The following SGCD variants were observed in gnomAD, a reference collection of about 807,000 sequenced individuals.
The protein encoded by SGCD is delta-sarcoglycan.
SGCD carries 18 observed loss-of-function variants against 36.6 expected under a neutral mutation model. The observed-to-expected ratio is 0.49, with a 90% CI of 0.34 to 0.73. The LOEUF (loss-of-function observed/expected upper bound fraction) is 0.73, where lower values mean the gene tolerates loss of function less well. Among genes scored for constraint, SGCD ranks in the 30% least tolerant of loss-of-function variants. SGCD has a pLI of 0.01. For synonymous variants in SGCD, 133 were observed against 130.6 expected (o/e 1.02, Z -0.12); for missense variants, 387 against 346.7 (o/e 1.12, Z -0.92).
chr5:156,455,963 C>T (rs1185362532), intron 3 of SGCD, among the ~76,000 whole-genome samples: 4 of 152,120 alleles, frequency 2.6e-5, no homozygotes, highest in African/African-American at 7.2e-5. Flanking sequence ...GGACCATGGC[C>T]AGAAGCGAGG....
At chr5:156,423,169 T>TTTATTA (rs1248705275) in intron 3 of SGCD, among the ~76,000 whole-genome samples, 30 of 20,694 alleles carry the variant, frequency 1.4e-3, no homozygotes, top group East Asian at 4.0e-3. Flanking sequence ...AATATTATAT[T>TTTATTA]TAATATAATT....
At chr5:155,896,320 A>T (rs1756257337) in intron 1 of SGCD, among the ~76,000 whole-genome samples, 3 of 151,992 alleles carry the variant, frequency 2.0e-5, no homozygotes, top group Admixed American at 2.0e-4. Context: ...CCCTTTTAAA[A>T]CGTAGGAGGT....
At chr5:155,845,646 G>A in the SGCD span, 2 of 152,118 alleles carry the variant, frequency 1.3e-5, no homozygotes, top group African/African-American at 4.8e-5. Flanking sequence ...ACCATCAGCT[G>A]GAAATAAAGC....
chr5:156,132,537 C>T (rs1251259356), intron 3 of SGCD, among the ~76,000 whole-genome samples: 2 of 135,628 alleles, frequency 1.5e-5, no homozygotes, highest in African/African-American at 2.9e-5. Context: ...GGCGCTATCC[C>T]GGCTCACTGC....
At chr5:155,879,061 G>A (rs1056093330) in intron 1 of SGCD, among the ~76,000 whole-genome samples, 1 of 151,812 alleles carries the variant, frequency 6.6e-6, no homozygotes, top group Non-Finnish European at 1.5e-5. Context: ...CTGTGATCAG[G>A]CACCACATCT....
intron 4 of SGCD, among the ~76,000 whole-genome samples, chr5:156,513,279 C>T (rs1757020292): frequency 6.6e-6 from 1 of 152,146 alleles, no homozygotes; most frequent in African/African-American, 2.4e-5. Flanking sequence ...GGTTGGCAGG[C>T]AACCAATAGG....
chr5:156,235,185 A>G (rs1210921676), intron 3 of SGCD, among the ~76,000 whole-genome samples: 1 of 152,200 alleles, frequency 6.6e-6, no homozygotes, highest in Non-Finnish European at 1.5e-5. Context: ...TGAAGGATGA[A>G]GTTTGAAAGA....
intron 3 of SGCD, among the ~76,000 whole-genome samples, chr5:156,201,417 A>G (rs1764147802): frequency 1.3e-5 from 2 of 152,192 alleles, no homozygotes; most frequent in Non-Finnish European, 2.9e-5. Context: ...ACATGCTGAC[A>G]TCTTTCTTCA....
the SGCD span, among the ~76,000 whole-genome samples, chr5:155,809,014 G>A: frequency 1.3e-5 from 2 of 152,214 alleles, no homozygotes; most frequent in South Asian, 4.1e-4. Context: ...TACATGAGGT[G>A]AACATATTAA....
At chr5:156,174,554 C>T (rs544704553) in intron 3 of SGCD, among the ~76,000 whole-genome samples, 82 of 152,344 alleles carry the variant, frequency 5.4e-4, no homozygotes, top group African/African-American at 1.9e-3. Context: ...GCAGTTATTT[C>T]ATCCAGGTTC....
intron 7 of SGCD, among the ~76,000 whole-genome samples, chr5:156,670,187 G>A (rs1753229786): frequency 1.3e-5 from 2 of 151,766 alleles, no homozygotes; most frequent in African/African-American, 4.8e-5. Context: ...ATAATGAGAG[G>A]GTATAAAATT....
chr5:155,992,130 G>T (rs1038203014), intron 1 of SGCD, among the ~76,000 whole-genome samples: 1 of 151,990 alleles, frequency 6.6e-6, no homozygotes, highest in Non-Finnish European at 1.5e-5. Flanking sequence ...TTCTCTTCTA[G>T]GTTGGATACT....
chr5:156,109,985 A>C (rs1761745981), intron 1 of SGCD, among the ~76,000 whole-genome samples: 1 of 152,174 alleles, frequency 6.6e-6, no homozygotes, highest in Non-Finnish European at 1.5e-5. Flanking sequence ...TTATTTACAC[A>C]ATATTCTGAG....
At chr5:156,293,030 A>G (rs1766800230) in intron 3 of SGCD, among the ~76,000 whole-genome samples, 2 of 151,896 alleles carry the variant, frequency 1.3e-5, no homozygotes, top group South Asian at 2.1e-4. Context: ...TGATTTAGAC[A>G]TATTTCCTCC....
chr5:155,740,452 G>C, the SGCD span, among the ~76,000 whole-genome samples: 4 of 152,052 alleles, frequency 2.6e-5, no homozygotes, highest in Non-Finnish European at 5.9e-5. Context: ...AGTCTGGGTG[G>C]TTCTTTTTCA....
At chr5:156,476,697 C>T (rs1755196450) in intron 3 of SGCD, among the ~76,000 whole-genome samples, 1 of 152,112 alleles carries the variant, frequency 6.6e-6, no homozygotes, top group African/African-American at 2.4e-5. Flanking sequence ...ATGGTAAATC[C>T]CAAACCTCTT....
In SGCD at chr5:156,759,197, T is replaced by G. The variant is rs775624358; in HGVS notation, c.700-20T>G. 1 of 1,607,648 alleles carries G rather than the reference T, an allele frequency of 6.2e-7. No individual in the cohort carries two copies. The highest frequency in any genetic ancestry group is 8.5e-7 in the Non-Finnish European group (1 of 1,174,394). On this transcript the variant is annotated intron_variant, in intron 8 of 8. Coordinates refer to ENST00000337851, the MANE Select transcript of SGCD (RefSeq NM_000337.6). ...CGACAGCCTCTGACCAATGCTTTCC[T>G]TCCTATTCTCTGTCTTTAGATTAAG... is the stretch of plus-strand genomic sequence containing the variant.
At chr5:156,419,655 G>A (rs1773211511) in intron 3 of SGCD, among the ~76,000 whole-genome samples, 1 of 152,134 alleles carries the variant, frequency 6.6e-6, no homozygotes, top group Admixed American at 6.6e-5. Flanking sequence ...GAAGCAAATG[G>A]ATGTAGAGAT....
chr5:156,436,610 G>A (rs1017128318), intron 3 of SGCD, among the ~76,000 whole-genome samples: 2 of 152,196 alleles, frequency 1.3e-5, no homozygotes, highest in East Asian at 3.8e-4. Flanking sequence ...AGATTACAAA[G>A]CACGTTAATG....
Sources: allele counts gnomAD v4.1 joint callset (sites outside exome capture counted in the v4.1 genomes callset), GRCh38; gene constraint gnomAD v4.1.1; transcripts MANE v1.5; gene names NCBI Gene and HGNC (gene_info 2026-07-23, HGNC 2026-07-21).